Variants in TSC2 observed in about 807,000 individuals in gnomAD.
TSC2 encodes the protein TSC complex subunit 2, also known as tuberin.
A neutral mutation model predicts 202.2 loss-of-function variants in TSC2; 29 were observed. The observed-to-expected ratio is 0.14, with a 90% CI of 0.11 to 0.20. The LOEUF (loss-of-function observed/expected upper bound fraction) is 0.20. Among genes scored for constraint, TSC2 ranks in the 10% least tolerant of loss-of-function variants. The probability of loss-of-function intolerance (pLI) is 1.00; values close to 1 mark genes in which losing one functional copy is unlikely to be tolerated. For missense variants in TSC2, 2,429 were observed against 2,420.0 expected (o/e 1.00, Z -0.08); for synonymous variants, 1,349 against 1,044.0 (o/e 1.29, Z -5.63).
At chr16:2,068,301 A>G (rs1478462023) in intron 16 of TSC2, among the ~76,000 whole-genome samples, 1 of 152,036 alleles carries the variant, frequency 6.6e-6, no homozygotes, top group African/African-American at 2.4e-5. Flanking sequence ...CAGACCCCCA[A>G]AGTGTTGGGA....
At chr16:2,082,597 C>A in intron 32 of TSC2, 93 bp downstream of exon 32, 1 of 1,402,494 alleles carries the variant, frequency 7.1e-7, no homozygotes, top group South Asian at 1.2e-5. Flanking sequence ...CCCCCATGGT[C>A]CGTCTGCCTC....
At chr16:2,076,869 C>T (rs1008237986) in intron 25 of TSC2, among the ~76,000 whole-genome samples, 5 of 152,174 alleles carry the variant, frequency 3.3e-5, no homozygotes, top group African/African-American at 1.2e-4. Context: ...AAGGAGCCGG[C>T]CTTGTCTGGG....
intron 14 of TSC2, chr16:2,063,514 T>C: frequency 3.6e-6 from 1 of 276,902 alleles, no homozygotes; most frequent in Middle Eastern, 1.3e-3. Flanking sequence ...CCACCTTCCT[T>C]GAGAGACATT....
At chr16:2,056,811 A>G (rs1226175951) in intron 8 of TSC2, 42 bp downstream of exon 8, 3 of 1,601,874 alleles carry the variant, frequency 1.9e-6, no homozygotes, top group African/African-American at 1.3e-5. Context: ...CTGAGAGCAC[A>G]TGGATGGGAC....
chr16:2,053,674 C>T (rs970276289), intron 4 of TSC2: 4 of 670,950 alleles, frequency 6.0e-6, no homozygotes, highest in Admixed American at 2.0e-5. Context: ...GGTCACTGCA[C>T]CTTCCTCTTA....
intron 33 of TSC2, 138 bp downstream of exon 33, chr16:2,083,954 A>G (rs2151516322): frequency 7.0e-7 from 1 of 1,430,488 alleles, no homozygotes; most frequent in East Asian, 2.5e-5. Context: ...CCTCGTGCAC[A>G]GACGGTCTGC....
chr16:2,087,351 G>A (rs1033628031), intron 38 of TSC2, among the ~76,000 whole-genome samples: 3 of 152,222 alleles, frequency 2.0e-5, no homozygotes, highest in Admixed American at 6.5e-5. Context: ...AGGGCAGATA[G>A]GCTGGAGGCC....
At chr16:2,065,754 T>C in intron 16 of TSC2, 119 bp downstream of exon 16, 1 of 924,716 alleles carries the variant, frequency 1.1e-6, no homozygotes, top group Non-Finnish European at 1.8e-6. Flanking sequence ...CTGGATTTGC[T>C]GAGGGTGCGG....
At chr16:2,057,205 C>A (rs2085971877) in intron 9 of TSC2, 27 bp downstream of exon 9, 5 of 1,551,330 alleles carry the variant, frequency 3.2e-6, no homozygotes, top group Non-Finnish European at 4.4e-6. Flanking sequence ...GGGCGCAGGG[C>A]AGTGGAGGCC....
At chr16:2,075,654 A>G (rs2089220977) in intron 22 of TSC2, 145 bp from the exon 23 acceptor site, 1 of 779,482 alleles carries the variant, frequency 1.3e-6, no homozygotes. Flanking sequence ...AGTTGAGGCC[A>G]GGGTCGGGAA....
At chr16:2,078,555 G>A in intron 26 of TSC2, 1 of 262,668 alleles carries the variant, frequency 3.8e-6, no homozygotes, top group Non-Finnish European at 7.5e-6. Context: ...ACTCCCATAA[G>A]CCTCTTCCCT....
chr16:2,077,421 G>C, intron 25 of TSC2, 177 bp from the exon 26 acceptor site: 1 of 877,742 alleles, frequency 1.1e-6, no homozygotes, highest in Non-Finnish European at 1.8e-6. Flanking sequence ...TTTGTTTTCT[G>C]TCTCTTCCCC....
intron 16 of TSC2, among the ~76,000 whole-genome samples, chr16:2,069,075 G>C (rs946843589): frequency 2.0e-5 from 3 of 152,084 alleles, no homozygotes; most frequent in Non-Finnish European, 4.4e-5. Flanking sequence ...ATGAAGGCCA[G>C]CCTCGTGCTG....
At chr16:2,076,426 G>A in intron 24 of TSC2, 65 bp from the exon 25 acceptor site, 1 of 1,602,156 alleles carries the variant, frequency 6.2e-7, no homozygotes, top group South Asian at 1.1e-5. Flanking sequence ...GCACCCGGCA[G>A]GCCTGGTGAG....
rs1203664696 is a variant in TSC2, at chr16:2,065,044, G to A, written c.1600-475G>A. The stretch of plus-strand genomic sequence containing the variant: ...CAGGAGAATCGCTTGAACCTAGGAG[G>A]TGAAGGTTGCAGTGAGCCAAGATTC... On this transcript the variant is annotated intron_variant, in intron 15 of 41. Transcript: ENST00000219476. The A allele has an allele frequency of 1.6e-5, 3 of 190,410 alleles. No individual in the cohort carries two copies. The South Asian group carries it at 3.0e-4, about 19-fold the overall frequency. 11.8% of individuals were successfully genotyped at this position (190,410 alleles called of 1,614,324 possible).
intron 10 of TSC2, among the ~76,000 whole-genome samples, chr16:2,060,193 C>T (rs966795972): frequency 9.2e-5 from 14 of 152,192 alleles, no homozygotes; most frequent in Non-Finnish European, 1.5e-4. Flanking sequence ...TGTCCGTCCT[C>T]GTTCTGTGCT....
At chr16:2,083,070 G>T in intron 32 of TSC2, 1 of 454,940 alleles carries the variant, frequency 2.2e-6, no homozygotes, top group South Asian at 1.6e-5. Flanking sequence ...CGTGGGACGG[G>T]CCCTGGGGTG....
At chr16:2,082,783 A>G (rs2090300344) in intron 32 of TSC2, 3 of 558,680 alleles carry the variant, frequency 5.4e-6, no homozygotes. Flanking sequence ...CTGAGTCTCC[A>G]TGGTGACATC....
intron 32 of TSC2, 109 bp from the exon 33 acceptor site, chr16:2,083,569 AGAGCCCTGGGGAGGCTC>A (rs1395859723): frequency 3.3e-5 from 49 of 1,482,038 alleles, no homozygotes; most frequent in Non-Finnish European, 4.2e-5. Context: ...AGCAGTAAGC[AGAGCCCTGGGGAGGCTC>A]GCAGGGCTGC....
Sources: allele counts gnomAD v4.1 joint callset (sites outside exome capture counted in the v4.1 genomes callset), GRCh38; gene constraint gnomAD v4.1.1; transcripts MANE v1.5; gene names NCBI Gene and HGNC (gene_info 2026-07-23, HGNC 2026-07-21).